Variants in SLC26A7 observed in about 807,000 individuals in gnomAD.
SLC26A7 encodes the protein solute carrier family 26 member 7, also known as anion exchange transporter.
A neutral mutation model predicts 82.5 loss-of-function variants in SLC26A7; 59 were observed. The observed-to-expected ratio is 0.72, with a 90% CI of 0.58 to 0.89. The LOEUF is 0.89. SLC26A7 is among the 40% of genes least tolerant of loss of function. The pLI is 0.00. For synonymous variants in SLC26A7, 271 were observed against 274.3 expected (o/e 0.99, Z 0.12); for missense variants, 820 against 793.0 (o/e 1.03, Z -0.41).
chr8:91,367,812 T>A (rs935427660), intron 14 of SLC26A7, among the ~76,000 whole-genome samples: 2 of 152,182 alleles, frequency 1.3e-5, no homozygotes, highest in Admixed American at 6.5e-5. Flanking sequence ...TTCTTTTTCT[T>A]GTGTCCTCGA....
intron 4 of SLC26A7, among the ~76,000 whole-genome samples, chr8:91,309,784 G>C (rs1461250654): frequency 6.6e-6 from 1 of 152,080 alleles, no homozygotes; most frequent in South Asian, 2.1e-4. Flanking sequence ...CTGGAGTCTT[G>C]CGTTCCCTCT....
intron 4 of SLC26A7, among the ~76,000 whole-genome samples, chr8:91,307,330 C>T (rs1812339285): frequency 7.6e-6 from 1 of 131,906 alleles, no homozygotes; most frequent in South Asian, 2.7e-4. Flanking sequence ...AATCATGCTG[C>T]TATAAAGACA....
At chr8:91,225,655 T>G (rs1206320780) in intron 2 of SLC26A7, among the ~76,000 whole-genome samples, 2 of 131,062 alleles carry the variant, frequency 1.5e-5, no homozygotes, top group South Asian at 2.6e-4. Context: ...TTTTTTTTTT[T>G]TTTTTTTTTT....
chr8:91,369,721 A>AT (rs926905052), intron 14 of SLC26A7, 64 bp from the exon 15 acceptor site: 45 of 1,249,068 alleles, frequency 3.6e-5, no homozygotes, highest in South Asian at 4.5e-5. Flanking sequence ...GAATTATGTG[A>AT]TTTTTTTCAG....
At chr8:91,369,656 G>C in intron 14 of SLC26A7, 129 bp from the exon 15 acceptor site, 1 of 586,258 alleles carries the variant, frequency 1.7e-6, no homozygotes. Flanking sequence ...TGAAAAGAAT[G>C]CTAGTGAAAA....
chr8:91,227,760 A>T (rs555752810), intron 2 of SLC26A7, among the ~76,000 whole-genome samples: 3 of 152,360 alleles, frequency 2.0e-5, no homozygotes, highest in Admixed American at 2.0e-4. Flanking sequence ...GAGATTACCA[A>T]GAAAGTTTTT....
chr8:91,302,824 T>C (rs918568178), intron 4 of SLC26A7, among the ~76,000 whole-genome samples: 1 of 151,548 alleles, frequency 6.6e-6, no homozygotes, highest in Non-Finnish European at 1.5e-5. Context: ...TTCTCTTTTT[T>C]TTTTTTTTTT....
intron 2 of SLC26A7, among the ~76,000 whole-genome samples, chr8:91,279,503 T>G (rs1283560021): frequency 1.3e-5 from 2 of 152,170 alleles, no homozygotes; most frequent in East Asian, 3.9e-4. Context: ...GAGGTGAGGC[T>G]ATATCACATT....
chr8:91,356,392 T>A (rs1342640315), intron 11 of SLC26A7, among the ~76,000 whole-genome samples: 2 of 151,766 alleles, frequency 1.3e-5, no homozygotes, highest in Admixed American at 6.6e-5. Context: ...CAGCACCTGT[T>A]GTTTCCTGAC....
At chr8:91,294,183 T>C (rs1434494772) in intron 3 of SLC26A7, among the ~76,000 whole-genome samples, 3 of 152,220 alleles carry the variant, frequency 2.0e-5, no homozygotes, top group Non-Finnish European at 2.9e-5. Flanking sequence ...ATTCTGACTT[T>C]AGTCTTATTA....
At chr8:91,386,177 A>T (rs1340085576) in intron 15 of SLC26A7, among the ~76,000 whole-genome samples, 1 of 152,182 alleles carries the variant, frequency 6.6e-6, no homozygotes, top group Non-Finnish European at 1.5e-5. Context: ...ATCTTCCAGG[A>T]AAAGCAATGC....
intron 2 of SLC26A7, among the ~76,000 whole-genome samples, chr8:91,241,937 T>C (rs924164066): frequency 6.6e-5 from 10 of 152,202 alleles, no homozygotes; most frequent in Non-Finnish European, 1.3e-4. Flanking sequence ...TAGAGGCTAG[T>C]TCTGAATTTT....
At chr8:91,349,123 A>C (rs890610658) in intron 9 of SLC26A7, among the ~76,000 whole-genome samples, 2 of 152,248 alleles carry the variant, frequency 1.3e-5, no homozygotes, top group South Asian at 4.1e-4. Flanking sequence ...AATTTCCATG[A>C]CTGGGGAGTA....
intron 15 of SLC26A7, among the ~76,000 whole-genome samples, chr8:91,382,291 A>G (rs1373525027): frequency 6.6e-6 from 1 of 152,140 alleles, no homozygotes; most frequent in Non-Finnish European, 1.5e-5. Context: ...CATGGCACCT[A>G]AAAGGCTTCC....
In SLC26A7 at chr8:91,352,883, CTT is replaced by C; in HGVS notation, c.1219-17_1219-16del. On this transcript the variant is annotated splice_polypyrimidine_tract_variant and intron_variant, in intron 10 of 18. Transcript: ENST00000276609. ...AATTTTTATGTTGCTTCTTCTTCAA[CTT>C]ACGTTTTATTTCTAGTGTGTCCTTG... 6.4e-7 allele frequency: 1 copy of C among 1,570,594 alleles called. No individual in the cohort carries two copies. Among genetic ancestry groups the C allele is most frequent in the Non-Finnish European group, 8.7e-7 (1 of 1,155,824 alleles).
chr8:91,348,698 G>A (rs988783159), intron 9 of SLC26A7, among the ~76,000 whole-genome samples: 1 of 142,680 alleles, frequency 7.0e-6, no homozygotes, highest in Non-Finnish European at 1.5e-5. Flanking sequence ...TATTAAGAAG[G>A]AGCTAGTTTT....
At position 91,297,550 on chromosome 8, in the gene SLC26A7, A is replaced by T. The variant is rs144456698; in HGVS notation, c.477+1847A>T. On this transcript the variant is annotated intron_variant, in intron 4 of 18. Transcript: ENST00000276609. Reference sequence around the variant, plus strand: ...TAAAATCTGATTCAGAGAGTTGCATATTTTCTCTTATAACTTCATCAAGCA... The same window carrying T: ...TAAAATCTGATTCAGAGAGTTGCATTTTTTCTCTTATAACTTCATCAAGCA... Among the ~76,000 whole-genome samples, 645 of 152,106 alleles carry T rather than the reference A, an allele frequency of 4.2e-3. 4 individuals are homozygous for T. Among genetic ancestry groups the T allele is most frequent in the African/African-American group, 0.014 (599 of 41,524 alleles).
intron 2 of SLC26A7, among the ~76,000 whole-genome samples, chr8:91,226,094 G>C (rs1810235804): frequency 6.6e-6 from 1 of 152,080 alleles, no homozygotes; most frequent in Non-Finnish European, 1.5e-5. Flanking sequence ...CTCTTTGAGT[G>C]CTTTTTCTTT....
At chr8:91,376,580 A>G (rs754829606) in intron 15 of SLC26A7, among the ~76,000 whole-genome samples, 5 of 152,168 alleles carry the variant, frequency 3.3e-5, no homozygotes, top group African/African-American at 7.2e-5. Context: ...CCAAAACAGT[A>G]TCTTCTGCAG....
Sources: gnomAD v4.1 joint callset for allele counts (sites outside exome capture counted in the v4.1 genomes callset) on GRCh38, gnomAD v4.1.1 for gene constraint, MANE v1.5 for transcripts, NCBI Gene and HGNC (gene_info 2026-07-23, HGNC 2026-07-21) for gene names.